The following ITGAE variants were observed in gnomAD, a reference collection of about 807,000 sequenced individuals.
ITGAE encodes the protein integrin alpha-E.
Under a neutral mutation model 136.5 loss-of-function variants are expected in ITGAE, and 99 were observed. That is an observed-to-expected ratio of 0.73 (90% CI 0.62 to 0.86). The LOEUF is 0.86. Ranked by LOEUF, ITGAE falls within the 40% of genes least tolerant of loss-of-function variation. ITGAE has a pLI of 0.00. For synonymous variants in ITGAE, 613 were observed against 591.8 expected (o/e 1.04, Z -0.52); for missense variants, 1,447 against 1,515.3 (o/e 0.95, Z 0.75).
intron 2 of ITGAE, among the ~76,000 whole-genome samples, chr17:3,776,737 T>C (rs1406719738): frequency 2.0e-5 from 3 of 146,948 alleles, no homozygotes; most frequent in African/African-American, 5.3e-5. Flanking sequence ...TTTGGTTTTT[T>C]TTGAGTTGGG....
rs1243925462 is a variant in ITGAE at position 3,798,987 on chromosome 17, G to A, written c.34+2124C>T. ...CACAAATAAGAAGTAGGCATCACCA[G>A]AGTGGCTGGCCTGGAGAGAGTGGAA... is the stretch of plus-strand genomic sequence containing the variant. On this transcript the variant is annotated intron_variant, in intron 1 of 30. Transcript: ENST00000263087. This position sits in a 1 kb window ranked among gnomAD's most constrained non-coding sequence, Gnocchi z 4.3. 6.6e-6 allele frequency among the ~76,000 whole-genome samples: 1 copy of A among 152,184 alleles called. No individual in the cohort carries two copies. Among genetic ancestry groups the A allele is most frequent in the East Asian group, 1.9e-4 (1 of 5,200 alleles).
chr17:3,800,138 T>C (rs1001492949), intron 1 of ITGAE, among the ~76,000 whole-genome samples: 1 of 152,096 alleles, frequency 6.6e-6, no homozygotes, highest in Non-Finnish European at 1.5e-5. Context: ...TAAAATAAAA[T>C]GAAATATAAA....
At position 3,799,996 on chromosome 17, in the gene ITGAE, G is replaced by A. The variant is rs950924510; in HGVS notation, c.34+1115C>T. Among the ~76,000 whole-genome samples, 1 of 152,192 alleles carries A rather than the reference G, an allele frequency of 6.6e-6. No individual in the cohort carries two copies. ...TAGCCAGGCGTGGTGGCAGGCGCCTGTAATCCCAGCTACTCGGGAGGCTGA... is the reference window on the plus strand; with the variant it reads ...TAGCCAGGCGTGGTGGCAGGCGCCTATAATCCCAGCTACTCGGGAGGCTGA... On this transcript the variant is annotated intron_variant, in intron 1 of 30. Coordinates refer to ENST00000263087, the MANE Select transcript of ITGAE (RefSeq NM_002208.5). This position sits in a 1 kb window ranked among gnomAD's most constrained non-coding sequence, Gnocchi z 4.1.
At chr17:3,728,249 G>T in intron 24 of ITGAE, 81 bp from the exon 25 acceptor site, 1 of 1,072,494 alleles carries the variant, frequency 9.3e-7, no homozygotes, top group Non-Finnish European at 1.5e-6. Context: ...TGTTGCCCAG[G>T]CTAGAGCACA....
At chr17:3,723,153 C>A in intron 28 of ITGAE, 135 bp downstream of exon 28, 2 of 650,814 alleles carry the variant, frequency 3.1e-6, no homozygotes, top group East Asian at 2.8e-5. Flanking sequence ...CGGGTTGGGA[C>A]AGAGGGTTGG....
chr17:3,770,509 TG>T (rs1349554969), intron 2 of ITGAE, among the ~76,000 whole-genome samples: 3 of 152,146 alleles, frequency 2.0e-5, no homozygotes, highest in Non-Finnish European at 4.4e-5. Flanking sequence ...CTGCCAGCCC[TG>T]GTCTCTTACA....
intron 1 of ITGAE, among the ~76,000 whole-genome samples, chr17:3,797,817 C>T (rs2053158625): frequency 6.6e-6 from 1 of 152,168 alleles, no homozygotes; most frequent in Non-Finnish European, 1.5e-5. Context: ...CCTTCCGCAA[C>T]AGCCGCAGAT....
At chr17:3,715,918 A>T (rs989541103) in intron 30 of ITGAE, among the ~76,000 whole-genome samples, 2 of 151,974 alleles carry the variant, frequency 1.3e-5, no homozygotes, top group African/African-American at 4.8e-5. Flanking sequence ...GAACTTTGGG[A>T]GGCCGAGGCG....
intron 10 of ITGAE, among the ~76,000 whole-genome samples, 194 bp from the exon 11 acceptor site, chr17:3,756,091 TCA>T (rs2052015939): frequency 6.6e-6 from 1 of 152,192 alleles, no homozygotes; most frequent in Non-Finnish European, 1.5e-5. Context: ...TTTCTAGGCC[TCA>T]GTTTCCTCGT....
At chr17:3,719,957 C>T (rs1163813494) in intron 29 of ITGAE, among the ~76,000 whole-genome samples, 1 of 152,144 alleles carries the variant, frequency 6.6e-6, no homozygotes, top group African/African-American at 2.4e-5. Context: ...AACTTCTGAC[C>T]TCAGGTGATC....
At chr17:3,729,435 G>C (rs1284787070) in intron 24 of ITGAE, 43 bp downstream of exon 24, 1 of 1,246,042 alleles carries the variant, frequency 8.0e-7, no homozygotes, top group Admixed American at 1.7e-5. Flanking sequence ...CTGCCCCCTG[G>C]GCGATGGAGT....
chr17:3,798,359 G>A lies in ITGAE; in HGVS notation c.34+2752C>T, dbSNP rs2053172245. 1.3e-5 allele frequency among the ~76,000 whole-genome samples: 2 copies of A among 152,158 alleles called. No individual in the cohort carries two copies. Among genetic ancestry groups the A allele is most frequent in the African/African-American group, 2.4e-5 (1 of 41,410 alleles). ...CCCAGCATGTCCCGATTTGGGGCGG[G>A]GCTGGAAGGGAAAGCAACACCAGAG... On this transcript the variant is annotated intron_variant, in intron 1 of 30. Transcript: ENST00000263087. This position sits in a 1 kb window ranked among gnomAD's most constrained non-coding sequence, Gnocchi z 4.3.
intron 2 of ITGAE, among the ~76,000 whole-genome samples, chr17:3,777,151 C>T (rs968690020): frequency 6.6e-5 from 10 of 152,006 alleles, no homozygotes; most frequent in Non-Finnish European, 8.8e-5. Context: ...TTAGTAGAGA[C>T]AGGGTTTCAC....
rs1257777724 is a variant in ITGAE at position 3,750,313 on chromosome 17, G to GATGGGC, written c.2024+38_2024+39insGCCCAT. 3 of 1,610,510 alleles carry GATGGGC rather than the reference G, an allele frequency of 1.9e-6. No homozygotes were observed. In the African/African-American group the frequency reaches 4.0e-5, roughly 22 times the overall value. On this transcript the variant is annotated intron_variant, in intron 16 of 30. Coordinates refer to ENST00000263087, the MANE Select transcript of ITGAE (RefSeq NM_002208.5). ...ATTTAGAGCAGGGCAAATGGGTGAG[G>GATGGGC]CTGGGCCTGGGACCCCAGAAAGCAG...
intron 2 of ITGAE, among the ~76,000 whole-genome samples, chr17:3,768,117 T>C (rs2052340662): frequency 6.6e-6 from 1 of 151,962 alleles, no homozygotes; most frequent in South Asian, 2.1e-4. Flanking sequence ...ATTTGGTTTT[T>C]AATTTACTCA....
At chr17:3,750,086 T>A (rs1216748619) in intron 16 of ITGAE, among the ~76,000 whole-genome samples, 2 of 152,320 alleles carry the variant, frequency 1.3e-5, no homozygotes, top group East Asian at 3.9e-4. Flanking sequence ...ATACTTTGTA[T>A]ATATTCGCTT....
At chr17:3,745,712 T>C in intron 18 of ITGAE, 52 bp downstream of exon 18, 2 of 1,568,794 alleles carry the variant, frequency 1.3e-6, no homozygotes, top group Non-Finnish European at 1.7e-6. Flanking sequence ...CCTCAAATCC[T>C]TTCTCAATGA....
At chr17:3,728,458 C>T in intron 24 of ITGAE, 2 of 280,818 alleles carry the variant, frequency 7.1e-6, no homozygotes, top group Non-Finnish European at 1.3e-5. Context: ...ACTGCAACCT[C>T]TGCCTCCTGG....
chr17:3,724,880 G>A, intron 26 of ITGAE: 1 of 1,613,960 alleles, frequency 6.2e-7, no homozygotes, highest in Non-Finnish European at 8.5e-7. Context: ...AGCATCAGGA[G>A]GCCAGTGTTC....
Sources: gnomAD v4.1 joint callset for allele counts (sites outside exome capture counted in the v4.1 genomes callset) on GRCh38, gnomAD v4.1.1 for gene constraint, Gnocchi (gnomAD v3.1) non-coding constraint, MANE v1.5 for transcripts, NCBI Gene and HGNC (gene_info 2026-07-23, HGNC 2026-07-21) for gene names.